FBXL3: variants seen among roughly 807,000 people sequenced by gnomAD.
FBXL3 encodes the protein F-box and leucine rich repeat protein 3.
FBXL3 carries 14 observed loss-of-function variants against 37.9 expected under a neutral mutation model. That is an observed-to-expected ratio of 0.37 (90% CI 0.24 to 0.58). The LOEUF (loss-of-function observed/expected upper bound fraction) is 0.58. Among genes scored for constraint, FBXL3 ranks in the 20% least tolerant of loss-of-function variants. The pLI is 0.74. For synonymous variants in FBXL3, 194 were observed against 180.1 expected (o/e 1.08, Z -0.62); for missense variants, 327 against 511.1 (o/e 0.64, Z 3.47).
Position 77,007,066 on chromosome 13 carries a change from T to A in FBXL3, c.*79A>T. 6.7e-7 allele frequency: 1 copy of A among 1,493,562 alleles called. No homozygotes were observed. The highest frequency in any genetic ancestry group is 8.9e-7 in the Non-Finnish European group (1 of 1,129,914). 92.5% of individuals were successfully genotyped at this position (1,493,562 alleles called of 1,614,324 possible). On this transcript the variant is annotated 3_prime_UTR_variant, in exon 5 of 5. Transcript: ENST00000355619. ...ATTTCTGTGCCACAAAATAGTAGAA[T>A]TATATCAGAACTACAGCAAATAAAA... is the stretch of plus-strand genomic sequence containing the variant.
chr13:77,018,938 C>T (rs1346856731), intron 2 of FBXL3: 1 of 370,452 alleles, frequency 2.7e-6, no homozygotes, highest in Non-Finnish European at 4.7e-6. Flanking sequence ...TTGGCCTTTT[C>T]TAAGTCTCTC....
At chr13:77,007,970 T>C (rs1301765845) in intron 4 of FBXL3, among the ~76,000 whole-genome samples, 182 bp from the exon 5 acceptor site, 1 of 152,224 alleles carries the variant, frequency 6.6e-6, no homozygotes, top group African/African-American at 2.4e-5. Flanking sequence ...TTACTAATTT[T>C]GTCTACAAGA....
intron 4 of FBXL3, among the ~76,000 whole-genome samples, chr13:77,011,378 A>T (rs2034550097): frequency 6.6e-6 from 1 of 150,822 alleles, no homozygotes; most frequent in South Asian, 2.1e-4. Context: ...AAAGGATCTG[A>T]ATAGACATTT....
At chr13:77,013,302 G>A (rs142017729) in intron 4 of FBXL3, 31 of 151,586 alleles carry the variant, frequency 2.0e-4, no homozygotes, top group East Asian at 5.9e-4. Context: ...GGTAACCGCC[G>A]TTTCACAAAA....
At chr13:77,012,512 T>C (rs939091337) in intron 4 of FBXL3, among the ~76,000 whole-genome samples, 2 of 152,158 alleles carry the variant, frequency 1.3e-5, no homozygotes, top group Admixed American at 1.3e-4. Context: ...ACTAAGTAAC[T>C]AAATGTTCAT....
intron 1 of FBXL3, chr13:77,026,404 A>G (rs2034839093): frequency 1.3e-5 from 13 of 978,102 alleles, no homozygotes; most frequent in Non-Finnish European, 1.5e-5. Context: ...TTGCTTTGAC[A>G]TTTCAGTGCC....
At chr13:77,009,240 C>A (rs557407093) in intron 4 of FBXL3, 1 of 152,318 alleles carries the variant, frequency 6.6e-6, no homozygotes, top group East Asian at 1.9e-4. Flanking sequence ...AAGAGATAAA[C>A]TGAATTACCA....
At chr13:77,013,754 G>A (rs763795208) in intron 4 of FBXL3, 3 of 152,146 alleles carry the variant, frequency 2.0e-5, no homozygotes, top group East Asian at 1.9e-4. Flanking sequence ...CCGGCTCTGC[G>A]TGAATTACTC....
At chr13:77,017,426 G>A (rs976993508) in intron 3 of FBXL3, 1 of 152,094 alleles carries the variant, frequency 6.6e-6, no homozygotes, top group Non-Finnish European at 1.5e-5. Flanking sequence ...CTTGAAGGTG[G>A]CGCTATACCA....
At chr13:77,012,061 G>A (rs1244761884) in intron 4 of FBXL3, among the ~76,000 whole-genome samples, 1 of 152,186 alleles carries the variant, frequency 6.6e-6, no homozygotes, top group Non-Finnish European at 1.5e-5. Flanking sequence ...AATCTACAGA[G>A]ACAGAAAATA....
At chr13:77,026,791 T>C (rs1228903598) in intron 1 of FBXL3, 36 bp downstream of exon 1, 2 of 138,158 alleles carry the variant, frequency 1.4e-5, no homozygotes, top group African/African-American at 5.4e-5. Flanking sequence ...GGCTCCGCCG[T>C]CGCAGCGGGG....
chr13:77,024,620 A>G (rs1433195998), intron 1 of FBXL3, among the ~76,000 whole-genome samples: 2 of 152,230 alleles, frequency 1.3e-5, no homozygotes, highest in Non-Finnish European at 2.9e-5. Context: ...TGTCTATTAT[A>G]GTACTGTTTT....
At position 77,015,434 on chromosome 13, in the gene FBXL3, G is replaced by A; in HGVS notation, c.618C>T (p.Ser206=). 6.3e-7 allele frequency: 1 copy of A among 1,593,612 alleles called. No homozygotes were observed. The highest frequency in any genetic ancestry group is 1.2e-5 in the South Asian group (1 of 86,628). ...CTGCTGGAGAGACATGAGGACAGCTGCTCATTTTCAACAGCTTGAGTGTAT... is the reference window on the plus strand; with the variant it reads ...CTGCTGGAGAGACATGAGGACAGCTACTCATTTTCAACAGCTTGAGTGTAT... ...NSDTLKLLKM[S]SCPHVSPAGI... is the part of the protein sequence containing the mutation. Residue 206 remains serine, a synonymous_variant, in exon 4 of 5, where the codon AGC becomes AGT. Transcript: ENST00000355619.
chr13:77,021,736 T>A lies in FBXL3; in HGVS notation c.125A>T (p.Asp42Val), dbSNP rs1389511778. Reference sequence around the variant, plus strand: ...ATATTTAAATACTTGGAGAATAATGTCCTGAAGGAGATTACCCCAATCACA... The same window carrying A: ...ATATTTAAATACTTGGAGAATAATGACCTGAAGGAGATTACCCCAATCACA... The part of the protein sequence containing the change: ...QTCDWGNLLQ[D>V]IILQVFKYLP... Residue 42 changes from aspartate (D) to valine (V), a missense_variant, in exon 2 of 5, where the codon GAC becomes GTC. By Grantham distance (152) the Asp-to-Val change is radical. Coordinates refer to ENST00000355619, the MANE Select transcript of FBXL3 (RefSeq NM_012158.4). 1.2e-6 allele frequency: 2 copies of A among 1,613,786 alleles called. No individual in the cohort carries two copies. Among genetic ancestry groups the A allele is most frequent in the African/African-American group, 1.3e-5 (1 of 74,924 alleles).
At chr13:77,026,710 C>T (rs1320622174) in intron 1 of FBXL3, 117 bp downstream of exon 1, 48 of 106,434 alleles carry the variant, frequency 4.5e-4, no homozygotes, top group African/African-American at 1.6e-3. Flanking sequence ...CCCGCGCGCG[C>T]CCCGGCCCCC....
intron 4 of FBXL3, 53 bp from the exon 5 acceptor site, chr13:77,007,841 A>G: frequency 6.7e-7 from 1 of 1,482,794 alleles, no homozygotes; most frequent in Non-Finnish European, 9.0e-7. Flanking sequence ...TTATCTGTTG[A>G]AAAATTCAAT....
chr13:77,025,724 G>A (rs1452527071), intron 1 of FBXL3, among the ~76,000 whole-genome samples: 1 of 139,002 alleles, frequency 7.2e-6, no homozygotes, highest in East Asian at 2.1e-4. Context: ...TTTGAAAGAA[G>A]CAACTTCATT....
At chr13:77,025,540 C>G (rs2034821205) in intron 1 of FBXL3, among the ~76,000 whole-genome samples, 1 of 151,992 alleles carries the variant, frequency 6.6e-6, no homozygotes. Flanking sequence ...CTGGGCAACA[C>G]GATGAAACCT....
At chr13:77,024,717 G>C (rs549810273) in intron 1 of FBXL3, among the ~76,000 whole-genome samples, 1 of 152,146 alleles carries the variant, frequency 6.6e-6, no homozygotes, top group Non-Finnish European at 1.5e-5. Flanking sequence ...CTAAGGGACA[G>C]TATCTCTTGA....
Sources: allele counts gnomAD v4.1 joint callset (sites outside exome capture counted in the v4.1 genomes callset), GRCh38; gene constraint gnomAD v4.1.1; transcripts MANE v1.5; gene names NCBI Gene and HGNC (gene_info 2026-07-23, HGNC 2026-07-21).